The following RAB3C variants were observed in gnomAD, a reference collection of about 807,000 sequenced individuals.
RAB3C encodes the protein RAB3C, member RAS oncogene family.
RAB3C carries 17 observed loss-of-function variants against 26.4 expected under a neutral mutation model. The observed-to-expected ratio is 0.64, with a 90% CI of 0.44 to 0.97. RAB3C has a LOEUF of 0.97. RAB3C is among the 50% of genes least tolerant of loss of function. RAB3C has a pLI of 0.00. For synonymous variants in RAB3C, 91 were observed against 95.9 expected (o/e 0.95, Z 0.30); for missense variants, 242 against 281.9 (o/e 0.86, Z 1.01).
chr5:58,721,538 G>A (rs773893444), intron 2 of RAB3C, among the ~76,000 whole-genome samples: 1 of 151,682 alleles, frequency 6.6e-6, no homozygotes, highest in African/African-American at 2.4e-5. Flanking sequence ...TACATTAGTG[G>A]CACTTGACAT....
At chr5:58,681,679 A>G (rs1340951170) in intron 2 of RAB3C, among the ~76,000 whole-genome samples, 1 of 152,202 alleles carries the variant, frequency 6.6e-6, no homozygotes, top group Non-Finnish European at 1.5e-5. Flanking sequence ...AGTTGAGGAT[A>G]CATACAAGAA....
chr5:58,679,233 T>C (rs1315597445), intron 2 of RAB3C, among the ~76,000 whole-genome samples: 1 of 152,174 alleles, frequency 6.6e-6, no homozygotes, highest in Non-Finnish European at 1.5e-5. Flanking sequence ...TCTGTGAATG[T>C]CATGGTCCAG....
At chr5:58,670,344 A>T (rs1748089587) in intron 2 of RAB3C, among the ~76,000 whole-genome samples, 1 of 152,018 alleles carries the variant, frequency 6.6e-6, no homozygotes, top group Non-Finnish European at 1.5e-5. Context: ...GCTTTGGCTC[A>T]TATATAATTT....
intron 4 of RAB3C, among the ~76,000 whole-genome samples, chr5:58,838,837 T>C (rs1407750281): frequency 6.6e-6 from 1 of 152,242 alleles, no homozygotes; most frequent in Non-Finnish European, 1.5e-5. Flanking sequence ...CTGGGGTCTA[T>C]CTTTCCCTTT....
At chr5:58,849,007 G>C (rs890835981) in intron 4 of RAB3C, among the ~76,000 whole-genome samples, 15 of 152,138 alleles carry the variant, frequency 9.9e-5, no homozygotes, top group Non-Finnish European at 2.1e-4. Context: ...GATCATGTTG[G>C]CTTCTGAGAT....
At chr5:58,820,987 T>C (rs746209738) in intron 3 of RAB3C, among the ~76,000 whole-genome samples, 2 of 152,208 alleles carry the variant, frequency 1.3e-5, no homozygotes, top group Non-Finnish European at 2.9e-5. Flanking sequence ...GGGACATGAA[T>C]CAGCTAGTAG....
At chr5:58,819,488 G>A (rs73088964) in intron 3 of RAB3C, among the ~76,000 whole-genome samples, 7,738 of 152,150 alleles carry the variant, frequency 0.051, 659 homozygotes, top group African/African-American at 0.18. Context: ...GGAATACTCC[G>A]AGCTCTTATT....
chr5:58,652,050 G>A (rs1249098846), intron 2 of RAB3C, among the ~76,000 whole-genome samples: 1 of 151,940 alleles, frequency 6.6e-6, no homozygotes, highest in African/African-American at 2.4e-5. Context: ...ATCCATGTTT[G>A]CAGAACTGAT....
At chr5:58,762,280 A>C (rs569929191) in intron 3 of RAB3C, among the ~76,000 whole-genome samples, 1 of 152,356 alleles carries the variant, frequency 6.6e-6, no homozygotes, top group Admixed American at 6.5e-5. Flanking sequence ...CATATTGGAC[A>C]GTGAAGATCT....
At chr5:58,809,969 A>G (rs1210272560) in intron 3 of RAB3C, among the ~76,000 whole-genome samples, 1 of 152,222 alleles carries the variant, frequency 6.6e-6, no homozygotes, top group African/African-American at 2.4e-5. Context: ...TCCGTTTCAC[A>G]TTGTTTGTGG....
At chr5:58,630,648 CT>C (rs1003773403) in intron 2 of RAB3C, among the ~76,000 whole-genome samples, 1 of 152,138 alleles carries the variant, frequency 6.6e-6, no homozygotes, top group Non-Finnish European at 1.5e-5. Flanking sequence ...GAAATTTCCA[CT>C]GTACACTCAT....
At chr5:58,786,991 G>T (rs1742404809) in intron 3 of RAB3C, among the ~76,000 whole-genome samples, 2 of 152,014 alleles carry the variant, frequency 1.3e-5, no homozygotes, top group South Asian at 2.1e-4. Context: ...GACGACCAGG[G>T]CCAGAAAGTT....
intron 3 of RAB3C, among the ~76,000 whole-genome samples, chr5:58,824,113 T>C (rs1030130950): frequency 4.6e-5 from 7 of 151,982 alleles, no homozygotes; most frequent in African/African-American, 1.7e-4. Flanking sequence ...ATTTTCTTAA[T>C]CCAGTCTATC....
In RAB3C at chr5:58,621,697, T is replaced by C. The variant is rs1366306329; in HGVS notation, c.252+3827T>C. ...TTCAAGCAATTCTCCAGCCTCAGCCTCCAGAGTAGCTGGGATTACAGGTGT... is the reference window on the plus strand; with the variant it reads ...TTCAAGCAATTCTCCAGCCTCAGCCCCCAGAGTAGCTGGGATTACAGGTGT... On this transcript the variant is annotated intron_variant, in intron 2 of 4. Coordinates refer to ENST00000282878, the MANE Select transcript of RAB3C (RefSeq NM_138453.4). Among the ~76,000 whole-genome samples, 4 of 152,182 alleles carry C rather than the reference T, an allele frequency of 2.6e-5. 1 individual carries two copies.
chr5:58,721,618 T>C (rs1011626120), intron 2 of RAB3C, among the ~76,000 whole-genome samples: 1 of 151,892 alleles, frequency 6.6e-6, no homozygotes, highest in Non-Finnish European at 1.5e-5. Flanking sequence ...TAATGAAGTG[T>C]TTTTCCCACT....
At chr5:58,747,950 G>A (rs1294097835) in intron 3 of RAB3C, among the ~76,000 whole-genome samples, 1 of 151,990 alleles carries the variant, frequency 6.6e-6, no homozygotes, top group Non-Finnish European at 1.5e-5. Context: ...TACATTTAGA[G>A]TCGTCTTTGG....
In RAB3C at chr5:58,655,127, G is replaced by T. The variant is rs537102280; in HGVS notation, c.252+37257G>T. ...ACAGCTTTGCTCTCATGCCTCCAAA[G>T]TTATGCAGATCAGCAAGAAGAACAA... On this transcript the variant is annotated intron_variant, in intron 2 of 4. Coordinates refer to ENST00000282878, the MANE Select transcript of RAB3C (RefSeq NM_138453.4). Among the ~76,000 whole-genome samples the T allele has an allele frequency of 1.0e-3, 155 of 152,262 alleles. 1 individual carries two copies. The Middle Eastern group carries it at 0.01, about 10-fold the overall frequency.
chr5:58,843,869 T>C (rs1743930785), intron 4 of RAB3C, among the ~76,000 whole-genome samples: 1 of 152,172 alleles, frequency 6.6e-6, no homozygotes, highest in Non-Finnish European at 1.5e-5. Context: ...TTTCTCTCCA[T>C]TTCCCCATTA....
intron 4 of RAB3C, among the ~76,000 whole-genome samples, chr5:58,850,065 C>T (rs1212612602): frequency 6.6e-6 from 1 of 152,130 alleles, no homozygotes; most frequent in Non-Finnish European, 1.5e-5. Flanking sequence ...ATCAACGTCC[C>T]CTGAATGGAC....
Sources: allele counts gnomAD v4.1 joint callset (sites outside exome capture counted in the v4.1 genomes callset), GRCh38; gene constraint gnomAD v4.1.1; transcripts MANE v1.5; gene names NCBI Gene and HGNC (gene_info 2026-07-23, HGNC 2026-07-21).